NGEF: variants seen among roughly 807,000 people sequenced by gnomAD.
The protein encoded by NGEF is ephexin-1.
Under a neutral mutation model 80.9 loss-of-function variants are expected in NGEF, and 31 were observed. The ratio of observed to expected loss-of-function variants is 0.38; its 90% confidence interval spans 0.29 to 0.52. NGEF has a LOEUF of 0.52. Ranked by LOEUF, NGEF falls within the 20% of genes least tolerant of loss-of-function variation. The pLI, the probability that NGEF is intolerant of heterozygous loss-of-function variation, is 0.84. For missense variants in NGEF, 709 were observed against 926.2 expected, an observed-to-expected ratio of 0.77 and a Z score of 3.04; for synonymous variants, 371 against 370.2, an observed-to-expected ratio of 1.00 and a Z score of -0.03.
intron 3 of NGEF, among the ~76,000 whole-genome samples, chr2:232,939,098 A>C (rs949936483): frequency 6.7e-6 from 1 of 150,118 alleles, no homozygotes; most frequent in Non-Finnish European, 1.5e-5. Context: ...GAATCCCTTG[A>C]AACTGGGATG....
At chr2:232,975,970 G>A (rs1252867992) in intron 1 of NGEF, among the ~76,000 whole-genome samples, 1 of 152,196 alleles carries the variant, frequency 6.6e-6, no homozygotes. Flanking sequence ...GGAGGCCGAG[G>A]CGAGCAGATC....
At chr2:232,897,512 G>A (rs914849538) in intron 5 of NGEF, among the ~76,000 whole-genome samples, 20 of 152,232 alleles carry the variant, frequency 1.3e-4, no homozygotes, top group Admixed American at 3.3e-4. Context: ...TTTGATGCCC[G>A]CCTGCAGGAG....
intron 1 of NGEF, among the ~76,000 whole-genome samples, chr2:233,010,255 G>T (rs139292097): frequency 0.018 from 2,761 of 152,120 alleles, 41 homozygotes; most frequent in Middle Eastern, 0.041. Context: ...AACCCTTACT[G>T]CAGGGCTCCC....
chr2:232,945,345 T>TCAAG (rs1181428030), intron 3 of NGEF, among the ~76,000 whole-genome samples: 1 of 152,118 alleles, frequency 6.6e-6, no homozygotes, highest in Non-Finnish European at 1.5e-5. Context: ...AAATATATAC[T>TCAAG]CAAGTCCTAA....
chr2:232,966,215 G>A (rs1694055988), intron 3 of NGEF, among the ~76,000 whole-genome samples: 1 of 152,102 alleles, frequency 6.6e-6, no homozygotes, highest in Non-Finnish European at 1.5e-5. Context: ...GGCCCTGTGG[G>A]GGTCCTTAGA....
In NGEF at chr2:232,992,752, T is replaced by G. The variant is rs187340421; in HGVS notation, c.-74-17788A>C. On this transcript the variant is annotated intron_variant, in intron 1 of 14. Transcript: ENST00000264051. ...CTGTAATCCCAGCACTTTGGGAGGCTGAGGCAGGAGGATCACTTGAGCCCA... is the reference window on the plus strand; with the variant it reads ...CTGTAATCCCAGCACTTTGGGAGGCGGAGGCAGGAGGATCACTTGAGCCCA... Among the ~76,000 whole-genome samples the G allele has an allele frequency of 3.1e-4, 47 of 151,932 alleles. 1 individual carries two copies. In the East Asian group the frequency reaches 9.1e-3, roughly 29 times the overall value.
chr2:232,939,107 T>C (rs1040236756), intron 3 of NGEF, among the ~76,000 whole-genome samples: 4 of 137,604 alleles, frequency 2.9e-5, no homozygotes, highest in African/African-American at 8.3e-5. Context: ...GAAACTGGGA[T>C]GAAGAGGTTG....
intron 3 of NGEF, among the ~76,000 whole-genome samples, chr2:232,945,357 G>A (rs975903439): frequency 3.9e-5 from 6 of 152,040 alleles, no homozygotes; most frequent in Admixed American, 2.6e-4. Flanking sequence ...AAGTCCTAAC[G>A]CCTGGTACCC....
At chr2:232,912,507 A>G (rs1409252410) in intron 5 of NGEF, among the ~76,000 whole-genome samples, 1 of 152,142 alleles carries the variant, frequency 6.6e-6, no homozygotes, top group Non-Finnish European at 1.5e-5. Flanking sequence ...TGATTTTTCT[A>G]TCAGGTGATG....
At chr2:232,980,856 G>A (rs532937625) in intron 1 of NGEF, among the ~76,000 whole-genome samples, 1 of 152,114 alleles carries the variant, frequency 6.6e-6, no homozygotes, top group Admixed American at 6.5e-5. Context: ...GGGGAACACC[G>A]CCACCAGGGC....
chr2:232,957,800 A>T (rs1431787519), intron 3 of NGEF, among the ~76,000 whole-genome samples: 6 of 152,164 alleles, frequency 3.9e-5, no homozygotes. Context: ...CTCCAGTGTC[A>T]CACCTAGAAC....
chr2:233,007,533 C>A (rs1252149085), intron 1 of NGEF, among the ~76,000 whole-genome samples: 1 of 152,184 alleles, frequency 6.6e-6, no homozygotes, highest in East Asian at 1.9e-4. Flanking sequence ...ACACCGGGGG[C>A]TTTTAACCTG....
At chr2:232,897,085 G>T (rs1179336008) in intron 5 of NGEF, among the ~76,000 whole-genome samples, 2 of 136,776 alleles carry the variant, frequency 1.5e-5, no homozygotes, top group Non-Finnish European at 3.2e-5. Context: ...GAGGGGTGAG[G>T]GTTGGGATGG....
At chr2:232,959,478 G>A (rs1693899961) in intron 3 of NGEF, among the ~76,000 whole-genome samples, 1 of 152,024 alleles carries the variant, frequency 6.6e-6, no homozygotes, top group Non-Finnish European at 1.5e-5. Flanking sequence ...ATACATACAA[G>A]GAACAGTGTG....
intron 3 of NGEF, among the ~76,000 whole-genome samples, chr2:232,951,388 G>T (rs906677874): frequency 2.0e-5 from 3 of 152,174 alleles, no homozygotes; most frequent in Non-Finnish European, 4.4e-5. Context: ...CAGATTCTTA[G>T]CTGTCTCCCC....
At position 232,879,445 on chromosome 2, in the gene NGEF, G is replaced by A. The variant is rs749396726; in HGVS notation, c.*44C>T. On this transcript the variant is annotated 3_prime_UTR_variant, in exon 15 of 15. Transcript: ENST00000264051. ...GCCCCCCCCCCCCCACCTTCTGTCGGGGTCTCATGCAGGCCCTGCTCCCGC... is the reference window on the plus strand; with the variant it reads ...GCCCCCCCCCCCCCACCTTCTGTCGAGGTCTCATGCAGGCCCTGCTCCCGC... 2.8e-5 allele frequency: 42 copies of A among 1,486,512 alleles called. 1 individual carries two copies. The South Asian group carries it at 5.3e-4, about 19-fold the overall frequency. The allele number at this position is 1,486,512 out of a possible 1,614,324, so 92.1% of individuals were successfully genotyped here.
At chr2:233,010,586 TC>T (rs1329381172) in intron 1 of NGEF, among the ~76,000 whole-genome samples, 1 of 151,292 alleles carries the variant, frequency 6.6e-6, no homozygotes, top group Non-Finnish European at 1.5e-5. Flanking sequence ...TTTTTTTTTT[TC>T]CTTGTCCACA....
At chr2:232,959,842 G>A (rs1440142523) in intron 3 of NGEF, among the ~76,000 whole-genome samples, 2 of 152,182 alleles carry the variant, frequency 1.3e-5, no homozygotes, top group African/African-American at 2.4e-5. Flanking sequence ...GCCTCCCAAA[G>A]TGCTGGGATT....
At chr2:232,930,546 T>A (rs56698984) in intron 3 of NGEF, among the ~76,000 whole-genome samples, 127,474 of 151,552 alleles carry the variant, frequency 0.84, 53,953 homozygotes, top group African/African-American at 0.93. Flanking sequence ...GTTTCACCAT[T>A]TCGCCAGGCT....
Sources: gnomAD v4.1 joint callset for allele counts (sites outside exome capture counted in the v4.1 genomes callset) on GRCh38, gnomAD v4.1.1 for gene constraint, MANE v1.5 for transcripts, NCBI Gene and HGNC (gene_info 2026-07-23, HGNC 2026-07-21) for gene names.